AUP1: variants seen among roughly 807,000 people sequenced by gnomAD.
The protein encoded by AUP1 is AUP1 lipid droplet regulating VLDL assembly factor, also known as lipid droplet-regulating VLDL assembly factor AUP1.
A neutral mutation model predicts 51.8 loss-of-function variants in AUP1; 30 were observed. The observed-to-expected ratio is 0.58, with a 90% CI of 0.43 to 0.79. The LOEUF (loss-of-function observed/expected upper bound fraction) is 0.79, where lower values mean the gene tolerates loss of function less well. AUP1 is among the 30% of genes least tolerant of loss of function. AUP1 has a pLI of 0.00. For synonymous variants in AUP1, 227 were observed against 209.0 expected, an observed-to-expected ratio of 1.09 and a Z score of -0.74; for missense variants, 492 against 517.1, an observed-to-expected ratio of 0.95 and a Z score of 0.47.
In AUP1 at chr2:74,529,449, A is replaced by G; in HGVS notation, c.101T>C (p.Val34Ala). The change falls in exon 2 of 12, where the codon GTC becomes GCC. Residue 34 changes from valine to alanine, a missense_variant. Val to Ala is a moderately conservative substitution (Grantham distance 64). Coordinates refer to ENST00000377526, the MANE Select transcript of AUP1 (RefSeq NM_181575.5). The part of the protein sequence containing the change: ...LLLVLLLYAP[V>A]GFCLLVLRLF... ...GCGCAGGACGAGGAGGCAGAACCCG[A>G]CTGGCGCGTAGAGCAGCAGCACGAG... The G allele has an allele frequency of 6.4e-7, 1 of 1,568,258 alleles. No homozygotes were observed. The highest frequency in any genetic ancestry group is 1.9e-5 in the Admixed American group (1 of 52,596).
intron 10 of AUP1, 55 bp downstream of exon 10, chr2:74,527,193 T>G (rs1675226145): frequency 1.2e-6 from 2 of 1,600,310 alleles, no homozygotes; most frequent in Non-Finnish European, 1.7e-6. Flanking sequence ...AGGGAGTACA[T>G]AGCCTGCCCC....
chr2:74,527,141 C>G, intron 10 of AUP1, 82 bp from the exon 11 acceptor site: 1 of 1,609,792 alleles, frequency 6.2e-7, no homozygotes, highest in Non-Finnish European at 8.5e-7. Context: ...AAGAGAGGCA[C>G]TATGCTAGGG....
rs201225621 is a variant in AUP1 at position 74,529,372 on chromosome 2, C to T, written c.178G>A (p.Val60Ile). The T allele has an allele frequency of 1.2e-6, 2 of 1,610,764 alleles. No homozygotes were observed. Among genetic ancestry groups the T allele is most frequent in the East Asian group, 2.2e-5 (1 of 44,778 alleles). ...CGCCCGCGTCGGAACCTGCGAAGGA[C>T]GCTGTCTGGCAGCGCGCAGCTGACC... is the stretch of plus-strand genomic sequence containing the variant. ...FLVSCALPDS[V>I]LRRFVVRTMC... The change falls in exon 2 of 12, where the codon GTC becomes ATC. Residue 60 changes from valine to isoleucine, a missense_variant. Physicochemically the swap from Val to Ile is conservative, Grantham distance 29. Coordinates refer to ENST00000377526, the MANE Select transcript of AUP1 (RefSeq NM_181575.5).
At position 74,529,433 on chromosome 2, in the gene AUP1, G is replaced by C. The variant is rs774347474; in HGVS notation, c.117C>G (p.Leu39=). The stretch of plus-strand genomic sequence containing the variant: ...GGATCCCGAGAAAGAGGCGCAGGAC[G>C]AGGAGGCAGAACCCGACTGGCGCGT... ...LLYAPVGFCL[L]VLRLFLGIHV... Residue 39 remains leucine, a synonymous_variant, in exon 2 of 12, where the codon CTC becomes CTG. Coordinates refer to ENST00000377526, the MANE Select transcript of AUP1 (RefSeq NM_181575.5). 4 of 1,579,148 alleles carry C rather than the reference G, an allele frequency of 2.5e-6. No individual in the cohort carries two copies. Among genetic ancestry groups the C allele is most frequent in the Non-Finnish European group, 3.4e-6 (4 of 1,161,672 alleles).
chr2:74,529,132 G>C lies in AUP1; in HGVS notation c.339C>G (p.Thr113=). Residue 113 remains threonine (T), a splice_region_variant and synonymous_variant, in exon 3 of 12, where the codon ACC becomes ACG. Transcript: ENST00000377526. The part of the protein sequence containing the change: ...NIVNLLTTCS[T]PLLNSPPSFV... ...CGCTCTCGGCCTCGCTCTCACTCAC[G>C]GTGCTACAGGTGGTAAGCAAATTGA... The C allele has an allele frequency of 6.2e-7, 1 of 1,614,230 alleles. No homozygotes were observed. Among genetic ancestry groups the C allele is most frequent in the Non-Finnish European group, 8.5e-7 (1 of 1,180,040 alleles).
chr2:74,528,329 G>T lies in AUP1; in HGVS notation c.598-8C>A, dbSNP rs1263486790. On this transcript the variant is annotated splice_region_variant and splice_polypyrimidine_tract_variant and intron_variant, in intron 5 of 11. Transcript: ENST00000377526. The stretch of plus-strand genomic sequence containing the variant: ...GGAGGCATCTGACACCGTCTGAGGG[G>T]AGGGCATGAGATGAGGCCTAAGCCA... 6.2e-7 allele frequency: 1 copy of T among 1,614,020 alleles called. No individual in the cohort carries two copies.
rs762767947 is a variant in AUP1 at position 74,527,050 on chromosome 2, A to G, written c.1087T>C (p.Ser363Pro). 6.2e-7 allele frequency: 1 copy of G among 1,614,200 alleles called. No homozygotes were observed. The highest frequency in any genetic ancestry group is 8.5e-7 in the Non-Finnish European group (1 of 1,180,038). ...GTTGGCTGAGGGGTCACCGGGCCAG[A>G]GCTGGGAAACTGAGGTGATCACAAT... ...PTASASKFPS[S>P]GPVTPQPTAL... Residue 363 changes from serine (S) to proline (P), a missense_variant, in exon 11 of 12, where the codon TCT becomes CCT. Ser to Pro is a moderately conservative substitution (Grantham distance 74). Transcript: ENST00000377526.
chr2:74,529,478 T>C lies in AUP1; in HGVS notation c.72A>G (p.Leu24=), dbSNP rs1675404418. Residue 24 remains leucine, a synonymous_variant, in exon 2 of 12, where the codon CTA becomes CTG. Transcript: ENST00000377526. ...GCGCGTAGAGCAGCAGCACGAGCAGTAGGAAGCAGTCACCCGGAAGCCTGG... is the reference window on the plus strand; with the variant it reads ...GCGCGTAGAGCAGCAGCACGAGCAGCAGGAAGCAGTCACCCGGAAGCCTGG... ...DSHRLPGDCF[L]LLVLLLYAPV... The C allele has an allele frequency of 1.3e-6, 2 of 1,556,180 alleles. No individual in the cohort carries two copies. The highest frequency in any genetic ancestry group is 2.4e-5 in the South Asian group (2 of 84,892).
At chr2:74,528,080 C>T (rs1675285108) in intron 6 of AUP1, 74 bp from the exon 7 acceptor site, 5 of 1,557,514 alleles carry the variant, frequency 3.2e-6, no homozygotes, top group East Asian at 2.2e-5. Flanking sequence ...ACTTTGGTAC[C>T]TCTTTGCATG....
chr2:74,527,657 T>C, intron 8 of AUP1, 67 bp from the exon 9 acceptor site: 1 of 1,588,266 alleles, frequency 6.3e-7, no homozygotes, highest in Non-Finnish European at 8.6e-7. Flanking sequence ...AGAGGCTAAC[T>C]AGCACAGAAA....
In AUP1 at chr2:74,527,257, A is replaced by G. The variant is rs777143429; in HGVS notation, c.1068T>C (p.Ser356=). 3 of 1,613,776 alleles carry G rather than the reference A, an allele frequency of 1.9e-6. No homozygotes were observed. The highest frequency in any genetic ancestry group is 4.5e-5 in the East Asian group (2 of 44,886). ...TKGTQSLPTA[S]ASKFPSSGPV... is the part of the protein sequence containing the mutation. Reference sequence around the variant, plus strand: ...ATTTCCTGGGTCTCACCTTGGAGGCAGAGGCTGTGGGTAGGGACTGAGTTC... The same window carrying G: ...ATTTCCTGGGTCTCACCTTGGAGGCGGAGGCTGTGGGTAGGGACTGAGTTC... The change falls in exon 10 of 12, where the codon TCT becomes TCC. Residue 356 remains serine (S), a synonymous_variant. Transcript: ENST00000377526.
chr2:74,529,613 C>T lies in AUP1; in HGVS notation c.17G>A (p.Gly6Glu), dbSNP rs764241212. 4.5e-6 allele frequency: 7 copies of T among 1,569,258 alleles called. No homozygotes were observed. Among genetic ancestry groups the T allele is most frequent in the Non-Finnish European group, 5.2e-6 (6 of 1,157,608 alleles). Residue 6 changes from glycine (G) to glutamate (E), a missense_variant, in exon 1 of 12, where the codon GGG becomes GAG. Gly to Glu is a moderately conservative substitution (Grantham distance 98). Transcript: ENST00000377526. MELPS[G>E]PGPERLFDSH... ...GTCAAAGAGCCGCTCCGGCCCCGGC[C>T]CTGAGGGAAGCTCCATAACTGCTGC...
intron 4 of AUP1, 129 bp from the exon 5 acceptor site, chr2:74,528,618 G>A: frequency 7.2e-7 from 1 of 1,393,946 alleles, no homozygotes; most frequent in Non-Finnish European, 1.0e-6. Flanking sequence ...TCAGGAGAAA[G>A]AACTTAAAGT....
At position 74,529,618 on chromosome 2, in the gene AUP1, G is replaced by A. The variant is rs756868975; in HGVS notation, c.12C>T (p.Pro4=). Residue 4 remains proline, a synonymous_variant, in exon 1 of 12, where the codon CCC becomes CCT. Coordinates refer to ENST00000377526, the MANE Select transcript of AUP1 (RefSeq NM_181575.5). ...AGAGCCGCTCCGGCCCCGGCCCTGA[G>A]GGAAGCTCCATAACTGCTGCTTCAG... MEL[P]SGPGPERLFD... 90 of 1,568,950 alleles carry A rather than the reference G, an allele frequency of 5.7e-5. No individual in the cohort carries two copies. Among genetic ancestry groups the A allele is most frequent in the Non-Finnish European group, 6.9e-5 (80 of 1,157,808 alleles).
rs1164077348 is a variant in AUP1 at position 74,527,847 on chromosome 2, A to AATTGGAAGACTGGAAGTG, written c.739-27_739-10dup. On this transcript the variant is annotated splice_polypyrimidine_tract_variant and intron_variant, in intron 7 of 11. Coordinates refer to ENST00000377526, the MANE Select transcript of AUP1 (RefSeq NM_181575.5). ...AATTCCTTGGCCACCAGCTAGGGAG[A>AATTGGAAGACTGGAAGTG]ATTGGAAGACTGGAAGTGTCAAGAT... is the stretch of plus-strand genomic sequence containing the variant. 6.2e-7 allele frequency: 1 copy of AATTGGAAGACTGGAAGTG among 1,613,716 alleles called. No individual in the cohort carries two copies. Among genetic ancestry groups the AATTGGAAGACTGGAAGTG allele is most frequent in the East Asian group, 2.2e-5 (1 of 44,858 alleles).
rs749922530 is a variant in AUP1 at position 74,528,868 on chromosome 2, C to T, written c.407G>A (p.Gly136Glu). The change falls in exon 4 of 12, where the codon GGG becomes GAG. Residue 136 changes from glycine to glutamate, a missense_variant. Physicochemically the swap from Gly to Glu is moderately conservative, Grantham distance 98 (BLOSUM62 -2). Coordinates refer to ENST00000377526, the MANE Select transcript of AUP1 (RefSeq NM_181575.5). ...TCTCTTGAGTGACTCCACCAACTCC[C>T]CCCGCCCATTCATCTCCATGAAGCC... ...SRGFMEMNGRGELVESLKRFC... is the reference protein window; with the variant it reads ...SRGFMEMNGREELVESLKRFC... 2.5e-6 allele frequency: 4 copies of T among 1,614,160 alleles called. No individual in the cohort carries two copies. The Admixed American group carries it at 5.0e-5, about 20-fold the overall frequency.
At position 74,527,489 on chromosome 2, in the gene AUP1, C is replaced by T; in HGVS notation, c.943G>A (p.Val315Ile). The T allele has an allele frequency of 6.2e-7, 1 of 1,613,252 alleles. No individual in the cohort carries two copies. Among genetic ancestry groups the T allele is most frequent in the Non-Finnish European group, 8.5e-7 (1 of 1,179,656 alleles). The stretch of plus-strand genomic sequence containing the variant: ...CCCATACCCAGGTCTCTCTGGATGA[C>T]ACCCAATGGCACATGGGGCAAAACT... Reference protein sequence around the residue: ...KEVLPHVPLGVIQRDLAKTGC... With the variant: ...KEVLPHVPLGIIQRDLAKTGC... The change falls in exon 9 of 12, where the codon GTC (valine) becomes ATC (isoleucine). Residue 315 changes from valine to isoleucine, a missense_variant. Physicochemically the swap from Val to Ile is conservative, Grantham distance 29 (BLOSUM62 3). Transcript: ENST00000377526.
chr2:74,528,555 TATAAC>T, intron 4 of AUP1, 66 bp from the exon 5 acceptor site: 1 of 1,457,812 alleles, frequency 6.9e-7, no homozygotes, highest in South Asian at 1.1e-5. Flanking sequence ...ACACCTGCCT[TATAAC>T]AGGCAACTGT....
intron 9 of AUP1, 25 bp from the exon 10 acceptor site, chr2:74,527,388 C>T: frequency 3.1e-6 from 5 of 1,611,658 alleles, no homozygotes; most frequent in African/African-American, 1.3e-5. Flanking sequence ...GAAGGGAGTC[C>T]ACTCCCTACT....
Sources: allele counts gnomAD v4.1 joint callset, GRCh38; gene constraint gnomAD v4.1.1; transcripts MANE v1.5; gene names NCBI Gene and HGNC (gene_info 2026-07-23, HGNC 2026-07-21).